Variants in PCDHGA11 observed in about 807,000 individuals in gnomAD.
The protein encoded by PCDHGA11 is protocadherin gamma subfamily A, 11, also known as protocadherin gamma-A11.
In PCDHGA11, 39 loss-of-function variants were observed where a neutral mutation model predicts 60.4. The ratio of observed to expected loss-of-function variants is 0.65; its 90% CI spans 0.50 to 0.84. The LOEUF (loss-of-function observed/expected upper bound fraction) is 0.84, where lower values mean the gene tolerates loss of function less well. PCDHGA11 is among the 40% of genes least tolerant of loss of function. The pLI is 0.00. For missense variants in PCDHGA11, 1,165 were observed against 1,197.7 expected, an observed-to-expected ratio of 0.97 and a Z score of 0.40; for synonymous variants, 533 against 510.3, an observed-to-expected ratio of 1.04 and a Z score of -0.60.
rs374319762 is a variant in PCDHGA11 at position 141,421,695 on chromosome 5, T to C, written c.468T>C (p.Pro156=). 15 of 1,613,840 alleles carry C rather than the reference T, an allele frequency of 9.3e-6. No homozygotes were observed. Among genetic ancestry groups the C allele is most frequent in the Non-Finnish European group, 1.2e-5 (14 of 1,179,866 alleles). ...TTCCTGGGGCGCGATTTGCTCTTCC[T>C]AATGCTAGGGATCCAGATGTGGGCG... ...HAIPGARFAL[P]NARDPDVGVN... Residue 156 remains proline (P), a synonymous_variant, in exon 1 of 4, where the codon CCT becomes CCC. Coordinates refer to ENST00000398587, the MANE Select transcript of PCDHGA11 (RefSeq NM_018914.3).
chr5:141,501,125 C>A (rs2099805699), intron 2 of PCDHGA11, among the ~76,000 whole-genome samples: 1 of 152,140 alleles, frequency 6.6e-6, no homozygotes, highest in South Asian at 2.1e-4. Context: ...CCTCAGCCTC[C>A]CTAAGTGCTG....
At chr5:141,501,837 G>C (rs2099811299) in intron 2 of PCDHGA11, among the ~76,000 whole-genome samples, 1 of 152,018 alleles carries the variant, frequency 6.6e-6, no homozygotes, top group Admixed American at 6.5e-5. Flanking sequence ...CCACCTGTTT[G>C]GCCCTCAACC....
chr5:141,431,114 G>T lies in PCDHGA11; in HGVS notation c.2433+7454G>T. On this transcript the variant is annotated intron_variant, in intron 1 of 3. Coordinates refer to ENST00000398587, the MANE Select transcript of PCDHGA11 (RefSeq NM_018914.3). This position sits in a 1 kb window ranked among gnomAD's most constrained non-coding sequence, Gnocchi z 4.8. The stretch of plus-strand genomic sequence containing the variant: ...GGAGGATAAAGTGAAAATATATGGA[G>T]TAGAAGTAGAAGTAAGGGACATTAA... 6.2e-7 allele frequency: 1 copy of T among 1,614,158 alleles called. No individual in the cohort carries two copies.
rs772328241 is a variant in PCDHGA11 at position 141,491,340 on chromosome 5, C to A, written c.2434-3467C>A. On this transcript the variant is annotated intron_variant, in intron 1 of 3. Coordinates refer to ENST00000398587, the MANE Select transcript of PCDHGA11 (RefSeq NM_018914.3). The surrounding 1 kb of genome is among the most constrained non-coding windows in gnomAD (Gnocchi z 6.9). ...TTTACCTCATTGTGGCTCTAGCGACCGTCAGTCTCTTATCCCTAGTCACCT... is the reference window on the plus strand; with the variant it reads ...TTTACCTCATTGTGGCTCTAGCGACAGTCAGTCTCTTATCCCTAGTCACCT... 4.3e-6 allele frequency: 7 copies of A among 1,614,146 alleles called. No homozygotes were observed. Among genetic ancestry groups the A allele is most frequent in the Non-Finnish European group, 5.9e-6 (7 of 1,180,014 alleles).
At chr5:141,433,253 G>C (rs1288721469) in intron 1 of PCDHGA11, 1 of 1,416,466 alleles carries the variant, frequency 7.1e-7, no homozygotes, top group East Asian at 2.3e-5. Flanking sequence ...GAATGCAGCG[G>C]TACGATCATA....
Position 141,477,388 on chromosome 5 carries a change from C to T in PCDHGA11, c.2434-17419C>T. The T allele has an allele frequency of 6.2e-7, 1 of 1,614,136 alleles. No homozygotes were observed. The highest frequency in any genetic ancestry group is 8.5e-7 in the Non-Finnish European group (1 of 1,180,014). On this transcript the variant is annotated intron_variant, in intron 1 of 3. Transcript: ENST00000398587. The surrounding 1 kb of genome is among the most constrained non-coding windows in gnomAD (Gnocchi z 4.9). Reference sequence around the variant, plus strand: ...ATCGGGAGACTGTGCCAGAATACAACCTCAGCATCACCGCCCGAGACGCCG... The same window carrying T: ...ATCGGGAGACTGTGCCAGAATACAATCTCAGCATCACCGCCCGAGACGCCG...
At chr5:141,451,050 G>A (rs915545429) in intron 1 of PCDHGA11, among the ~76,000 whole-genome samples, 6 of 151,352 alleles carry the variant, frequency 4.0e-5, no homozygotes, top group South Asian at 4.2e-4. Flanking sequence ...GGCTGGTCTC[G>A]AACTCCTGAC....
At position 141,431,906 on chromosome 5, in the gene PCDHGA11, A is replaced by G; in HGVS notation, c.2433+8246A>G. 1 of 1,613,868 alleles carries G rather than the reference A, an allele frequency of 6.2e-7. No individual in the cohort carries two copies. Among genetic ancestry groups the G allele is most frequent in the Non-Finnish European group, 8.5e-7 (1 of 1,179,692 alleles). On this transcript the variant is annotated intron_variant, in intron 1 of 3. Transcript: ENST00000398587. This position sits in a 1 kb window ranked among gnomAD's most constrained non-coding sequence, Gnocchi z 4.8. ...AGATTCTGAGGAAAACGGACAGGTG[A>G]TCTGTTTCATCCAAGGAAATCTGCC...
Position 141,422,703 on chromosome 5 carries a change from G to GA in PCDHGA11, c.1477dup (p.Thr493AsnfsTer3). On this transcript the variant is annotated frameshift_variant, in exon 1 of 4. Coordinates refer to ENST00000398587, the MANE Select transcript of PCDHGA11 (RefSeq NM_018914.3). LOFTEE classifies it high-confidence loss of function. ...AGAATGCCCTGGTCACTTACTCTCTGACGGATGACACTGTCCAGGGGGTGC... is the reference window on the plus strand; with the variant it reads ...AGAATGCCCTGGTCACTTACTCTCTGAACGGATGACACTGTCCAGGGGGTGC... The GA allele has an allele frequency of 6.2e-7, 1 of 1,603,132 alleles. No homozygotes were observed. The highest frequency in any genetic ancestry group is 1.3e-5 in the African/African-American group (1 of 74,908).
At chr5:141,478,838 T>C (rs1439577444) in intron 1 of PCDHGA11, 1 of 1,426,484 alleles carries the variant, frequency 7.0e-7, no homozygotes, top group Non-Finnish European at 9.2e-7. Flanking sequence ...TAAGGGATGG[T>C]TAAGCTAAAA....
Position 141,431,344 on chromosome 5 carries a change from G to T in PCDHGA11, c.2433+7684G>T. On this transcript the variant is annotated intron_variant, in intron 1 of 3. Coordinates refer to ENST00000398587, the MANE Select transcript of PCDHGA11 (RefSeq NM_018914.3). This position sits in a 1 kb window ranked among gnomAD's most constrained non-coding sequence, Gnocchi z 4.8. ...ACGGTAGTAAGTACCCCGAATTGGT[G>T]CTGAAACGCGCCCTGGACCGCGAAG... 1 of 1,614,078 alleles carries T rather than the reference G, an allele frequency of 6.2e-7. No individual in the cohort carries two copies. The highest frequency in any genetic ancestry group is 1.3e-5 in the African/African-American group (1 of 75,068).
chr5:141,454,563 C>T (rs1056296059), intron 1 of PCDHGA11, among the ~76,000 whole-genome samples: 46 of 151,960 alleles, frequency 3.0e-4, no homozygotes, highest in Non-Finnish European at 4.9e-4. Context: ...TGTGCCACCA[C>T]GCCCGGCTAA....
At chr5:141,438,583 CAT>C (rs1561889590) in intron 1 of PCDHGA11, among the ~76,000 whole-genome samples, 4 of 57,610 alleles carry the variant, frequency 6.9e-5, no homozygotes, top group African/African-American at 3.6e-4. Flanking sequence ...TACATACATA[CAT>C]ACATACATAT....
In PCDHGA11 at chr5:141,476,504, G is replaced by A; in HGVS notation, c.2434-18303G>A. On this transcript the variant is annotated intron_variant, in intron 1 of 3. Coordinates refer to ENST00000398587, the MANE Select transcript of PCDHGA11 (RefSeq NM_018914.3). This position sits in a 1 kb window ranked among gnomAD's most constrained non-coding sequence, Gnocchi z 7.6. ...GGAAGTGGTGATCCAGGACATCAAC[G>A]ACAACAATCCTGCTTTCCCTACCCA... The A allele has an allele frequency of 6.2e-7, 1 of 1,614,098 alleles. No individual in the cohort carries two copies. The highest frequency in any genetic ancestry group is 2.2e-5 in the East Asian group (1 of 44,854).
In PCDHGA11 at chr5:141,491,789, T is replaced by G; in HGVS notation, c.2434-3018T>G. The G allele has an allele frequency of 6.6e-7, 1 of 1,525,854 alleles. No individual in the cohort carries two copies. Among genetic ancestry groups the G allele is most frequent in the Non-Finnish European group, 8.8e-7 (1 of 1,137,340 alleles). The allele number at this position is 1,525,854 out of a possible 1,614,324, so 94.5% of individuals were successfully genotyped here. ...CATAAGGGATTGAACTTGCATCCAC[T>G]CCTCTCCGGCCGGCTTGGTCGCTGG... On this transcript the variant is annotated intron_variant, in intron 1 of 3. Transcript: ENST00000398587. The surrounding 1 kb of genome is among the most constrained non-coding windows in gnomAD (Gnocchi z 6.9).
Position 141,485,152 on chromosome 5 carries a change from A to C in PCDHGA11, c.2434-9655A>C. ...CTTCATCCGCGTCTCAGGAGCAAGT[A>C]GAGAATTAGCGGGCGGCAGCAATGC... On this transcript the variant is annotated intron_variant, in intron 1 of 3. Coordinates refer to ENST00000398587, the MANE Select transcript of PCDHGA11 (RefSeq NM_018914.3). The surrounding 1 kb of genome is among the most constrained non-coding windows in gnomAD (Gnocchi z 5.7). 8.8e-6 allele frequency: 14 copies of C among 1,586,038 alleles called. No individual in the cohort carries two copies. The highest frequency in any genetic ancestry group is 1.0e-5 in the Non-Finnish European group (12 of 1,157,128).
chr5:141,431,537 C>A lies in PCDHGA11; in HGVS notation c.2433+7877C>A, dbSNP rs2097391571. On this transcript the variant is annotated intron_variant, in intron 1 of 3. Transcript: ENST00000398587. This position sits in a 1 kb window ranked among gnomAD's most constrained non-coding sequence, Gnocchi z 4.8. ...TCCGGAGAATCTGGCCTTGGGCACG[C>A]AGCTGCTTGTAGTCAACGCTACCGA... 6.2e-7 allele frequency: 1 copy of A among 1,614,102 alleles called. No individual in the cohort carries two copies. The highest frequency in any genetic ancestry group is 1.3e-5 in the African/African-American group (1 of 75,072).
At chr5:141,479,590 A>T (rs2099500448) in intron 1 of PCDHGA11, 1 of 152,182 alleles carries the variant, frequency 6.6e-6, no homozygotes, top group Non-Finnish European at 1.5e-5. Context: ...TAGCCACTGC[A>T]CTCCAGCCTA....
chr5:141,493,206 C>A lies in PCDHGA11; in HGVS notation c.2434-1601C>A, dbSNP rs191090598. Among the ~76,000 whole-genome samples the A allele has an allele frequency of 2.4e-3, 368 of 152,322 alleles. 2 individuals carry two copies. Among genetic ancestry groups the A allele is most frequent in the Admixed American group, 4.5e-3 (69 of 15,296 alleles). On this transcript the variant is annotated intron_variant, in intron 1 of 3. Transcript: ENST00000398587. This position sits in a 1 kb window ranked among gnomAD's most constrained non-coding sequence, Gnocchi z 4.3. ...TATAACTCCTTTGAGAACCTCATCT[C>A]ATTTGCTCTTCCCACCATTGCTGTT...
Sources: allele counts gnomAD v4.1 joint callset (sites outside exome capture counted in the v4.1 genomes callset), GRCh38; gene constraint gnomAD v4.1.1; non-coding constraint Gnocchi (gnomAD v3.1); transcripts MANE v1.5; gene names NCBI Gene and HGNC (gene_info 2026-07-23, HGNC 2026-07-21).